Variants in CACNA2D1 observed in about 807,000 individuals in gnomAD.
The protein encoded by CACNA2D1 is voltage-dependent calcium channel subunit alpha-2/delta-1.
A neutral mutation model predicts 171.5 loss-of-function variants in CACNA2D1; 53 were observed. That is an observed-to-expected ratio of 0.31 (90% confidence interval 0.25 to 0.39). The LOEUF is 0.39. CACNA2D1 is among the 10% of genes least tolerant of loss of function. The pLI is 1.00. For synonymous variants in CACNA2D1, 442 were observed against 443.1 expected (o/e 1.00, Z 0.03); for missense variants, 903 against 1,299.8 (o/e 0.69, Z 4.69).
chr7:82,413,198 A>G (rs1324982921), intron 1 of CACNA2D1, among the ~76,000 whole-genome samples: 1 of 152,178 alleles, frequency 6.6e-6, no homozygotes, highest in Non-Finnish European at 1.5e-5. Flanking sequence ...TTAATCTTTT[A>G]TATTTTGTCT....
intron 3 of CACNA2D1, among the ~76,000 whole-genome samples, chr7:82,300,750 C>A (rs1191755044): frequency 2.0e-5 from 3 of 151,962 alleles, no homozygotes; most frequent in Non-Finnish European, 4.4e-5. Flanking sequence ...ATCCACAAAT[C>A]TGTCTTCTAT....
At chr7:82,018,321 T>C (rs1009749563) in intron 12 of CACNA2D1, among the ~76,000 whole-genome samples, 4 of 152,142 alleles carry the variant, frequency 2.6e-5, no homozygotes, top group Admixed American at 1.3e-4. Context: ...AACAAGTGAA[T>C]AGATGCTTGA....
chr7:82,296,415 C>G (rs1042413517), intron 3 of CACNA2D1, among the ~76,000 whole-genome samples: 2 of 152,138 alleles, frequency 1.3e-5, no homozygotes, highest in Non-Finnish European at 2.9e-5. Context: ...GGCACTATAG[C>G]TGTTACAAGT....
intron 3 of CACNA2D1, among the ~76,000 whole-genome samples, chr7:82,288,119 C>T (rs545533261): frequency 2.0e-5 from 3 of 151,820 alleles, no homozygotes; most frequent in Non-Finnish European, 2.9e-5. Flanking sequence ...GGATTACAGG[C>T]GTGAGCCACC....
At chr7:82,167,697 G>T (rs555620066) in intron 4 of CACNA2D1, among the ~76,000 whole-genome samples, 2 of 152,054 alleles carry the variant, frequency 1.3e-5, no homozygotes, top group African/African-American at 4.8e-5. Flanking sequence ...CATCATTCAC[G>T]GTCCTTCAGG....
intron 5 of CACNA2D1, among the ~76,000 whole-genome samples, chr7:82,135,191 G>A (rs548549268): frequency 3.9e-4 from 60 of 151,960 alleles, no homozygotes; most frequent in South Asian, 2.3e-3. Flanking sequence ...CTTTGTCATC[G>A]CTTTACAAAT....
At chr7:82,401,335 A>G (rs1323499921) in intron 1 of CACNA2D1, among the ~76,000 whole-genome samples, 3 of 151,492 alleles carry the variant, frequency 2.0e-5, no homozygotes, top group South Asian at 2.1e-4. Flanking sequence ...GACTGGATTA[A>G]GAAAATGTGG....
At chr7:82,290,991 T>TATA (rs1811467069) in intron 3 of CACNA2D1, among the ~76,000 whole-genome samples, 1 of 143,740 alleles carries the variant, frequency 7.0e-6, no homozygotes, top group East Asian at 2.0e-4. Flanking sequence ...TTTTTTTTCC[T>TATA]TTGAGACAGG....
intron 10 of CACNA2D1, among the ~76,000 whole-genome samples, chr7:82,053,144 C>T (rs1222944301): frequency 1.3e-5 from 2 of 150,352 alleles, no homozygotes; most frequent in Admixed American, 6.7e-5. Flanking sequence ...CCCAGCTACT[C>T]AGGAGGCTGA....
rs11333417 is a variant in CACNA2D1 at position 82,198,667 on chromosome 7, CTT to C, written c.295-28060_295-28059del. ...TTCAAACACAAAGAGATATCTGGAA[CTT>C]TTTTTTTTTTTTTTAAGTGGATACC... On this transcript the variant is annotated intron_variant, in intron 3 of 38. Coordinates refer to ENST00000356860, the MANE Select transcript of CACNA2D1 (RefSeq NM_000722.4). Among the ~76,000 whole-genome samples the C allele has an allele frequency of 7.1e-3, 990 of 139,380 alleles. 14 individuals carry two copies. Among genetic ancestry groups the C allele is most frequent in the African/African-American group, 0.024 (909 of 38,460 alleles). The allele number at this position is 139,380 out of a possible 152,430, so 91.4% of individuals were successfully genotyped here. A position where few individuals can be genotyped will look rare whatever the true frequency, so the allele number is the denominator to read the frequency against.
At chr7:82,196,687 AGAG>A (rs1442275064) in intron 3 of CACNA2D1, among the ~76,000 whole-genome samples, 2 of 152,028 alleles carry the variant, frequency 1.3e-5, no homozygotes, top group African/African-American at 4.8e-5. Context: ...TGAAATAACA[AGAG>A]AAGATTGTTA....
At chr7:82,055,629 T>A (rs375637729) in intron 10 of CACNA2D1, among the ~76,000 whole-genome samples, 2 of 150,910 alleles carry the variant, frequency 1.3e-5, no homozygotes, top group African/African-American at 2.4e-5. Context: ...TGGATGAAGA[T>A]GGAAACCATC....
intron 3 of CACNA2D1, among the ~76,000 whole-genome samples, chr7:82,187,030 C>G (rs1396112840): frequency 1.3e-5 from 2 of 152,092 alleles, no homozygotes; most frequent in African/African-American, 4.8e-5. Flanking sequence ...TTCCATAATG[C>G]TTGATCCATT....
intron 3 of CACNA2D1, among the ~76,000 whole-genome samples, chr7:82,252,625 C>T (rs1167857358): frequency 1.3e-5 from 2 of 152,076 alleles, no homozygotes. Flanking sequence ...GGCGTGGTGG[C>T]TCACGCCTGT....
rs555324203 is a variant in CACNA2D1 at position 82,403,364 on chromosome 7, C to T, written c.95+40001G>A. On this transcript the variant is annotated intron_variant, in intron 1 of 38. Coordinates refer to ENST00000356860, the MANE Select transcript of CACNA2D1 (RefSeq NM_000722.4). The stretch of plus-strand genomic sequence containing the variant: ...AGCAAAAGACAAAAAACTCAAATTG[C>T]TTATACAAGTAATGTAAACTCTTTT... Among the ~76,000 whole-genome samples the T allele has an allele frequency of 5.3e-5, 8 of 152,184 alleles. No homozygotes were observed. The South Asian group carries it at 1.7e-3, about 32-fold the overall frequency.
At chr7:82,241,445 G>C (rs991838778) in intron 3 of CACNA2D1, among the ~76,000 whole-genome samples, 1 of 152,112 alleles carries the variant, frequency 6.6e-6, no homozygotes, top group African/African-American at 2.4e-5. Context: ...TTTCAGACCT[G>C]CTTAAGGTCA....
chr7:82,050,571 A>G, intron 10 of CACNA2D1: 1 of 702,748 alleles, frequency 1.4e-6, no homozygotes, highest in South Asian at 1.5e-5. Flanking sequence ...GAGACACAAT[A>G]GTTTAATTAC....
At chr7:82,376,760 T>C (rs1355229496) in intron 1 of CACNA2D1, among the ~76,000 whole-genome samples, 26 of 152,224 alleles carry the variant, frequency 1.7e-4, no homozygotes, top group Admixed American at 1.7e-3. Flanking sequence ...GAACAGCATT[T>C]CAGCTCACCG....
rs187849336 is a variant in CACNA2D1, at chr7:81,964,106, T to A, written c.2730A>T (p.Pro910=). 23 of 1,612,190 alleles carry A rather than the reference T, an allele frequency of 1.4e-5. No individual in the cohort carries two copies. The African/African-American group carries it at 2.5e-4, about 18-fold the overall frequency. The change falls in exon 34 of 39, where the codon CCA becomes CCT. Residue 910 remains proline (P), a splice_region_variant and synonymous_variant. Coordinates refer to ENST00000356860, the MANE Select transcript of CACNA2D1 (RefSeq NM_000722.4). ...CAATTTGTAATATGTCTGCTACTGATGGCTATAAAATAAAATAATAAGGTC... is the reference window on the plus strand; with the variant it reads ...CAATTTGTAATATGTCTGCTACTGAAGGCTATAAAATAAAATAATAAGGTC... ...QGAGHRSAYV[P]SVADILQIGW...
Sources: gnomAD v4.1 joint callset for allele counts (sites outside exome capture counted in the v4.1 genomes callset) on GRCh38, gnomAD v4.1.1 for gene constraint, MANE v1.5 for transcripts, NCBI Gene and HGNC (gene_info 2026-07-23, HGNC 2026-07-21) for gene names.